IL6R: variants seen among roughly 807,000 people sequenced by gnomAD.
IL6R encodes interleukin-6 receptor subunit alpha.
In IL6R, 38 loss-of-function variants were observed where a neutral mutation model predicts 48.3. The observed-to-expected ratio is 0.79, with a 90% CI of 0.61 to 1.03. IL6R has a LOEUF of 1.03. Ranked by LOEUF, IL6R falls within the 50% of genes least tolerant of loss-of-function variation. The probability of loss-of-function intolerance (pLI) is 0.00; values close to 1 mark genes in which losing one functional copy is unlikely to be tolerated. For synonymous variants in IL6R, 264 were observed against 256.2 expected (o/e 1.03, Z -0.29); for missense variants, 534 against 618.3 (o/e 0.86, Z 1.45).
chr1:154,455,057 G>A (rs1690796323), intron 9 of IL6R, among the ~76,000 whole-genome samples: 1 of 152,148 alleles, frequency 6.6e-6, no homozygotes, highest in Non-Finnish European at 1.5e-5. Context: ...GGGACTGCAG[G>A]TGCACACCAC....
chr1:154,448,628 G>C (rs1253875752), intron 7 of IL6R, among the ~76,000 whole-genome samples: 2 of 152,116 alleles, frequency 1.3e-5, no homozygotes, highest in African/African-American at 4.8e-5. Context: ...GCTAAGCTGG[G>C]AGTCATAGCC....
chr1:154,447,314 C>T (rs1690281190), intron 6 of IL6R, among the ~76,000 whole-genome samples: 2 of 150,268 alleles, frequency 1.3e-5, no homozygotes, highest in African/African-American at 4.9e-5. Flanking sequence ...TGGTGGGCGC[C>T]TATAATCCCA....
Position 154,454,645 on chromosome 1 carries a change from C to T in IL6R, c.1160+64C>T, listed in dbSNP as rs1015388948. On this transcript the variant is annotated intron_variant, in intron 9 of 9. Coordinates refer to ENST00000368485, the MANE Select transcript of IL6R (RefSeq NM_000565.4). ...ATATTTCTTATCTAGCTTTCCTTTG[C>T]CCATTCTGAAATTTATGGTGCATTT... 9 of 1,131,754 alleles carry T rather than the reference C, an allele frequency of 8.0e-6. No homozygotes were observed. In the African/African-American group the frequency reaches 1.2e-4, roughly 15 times the overall value. The allele number at this position is 1,131,754 out of a possible 1,614,324, so 70.1% of individuals were successfully genotyped here.
At chr1:154,457,124 A>C (rs997562026) in intron 9 of IL6R, among the ~76,000 whole-genome samples, 7 of 151,994 alleles carry the variant, frequency 4.6e-5, no homozygotes, top group Non-Finnish European at 7.4e-5. Context: ...GGAGTTCAAG[A>C]CCAGCCTGAC....
chr1:154,440,778 C>T (rs1689889745), intron 6 of IL6R, among the ~76,000 whole-genome samples: 1 of 151,942 alleles, frequency 6.6e-6, no homozygotes. Context: ...GCCTCAGCCT[C>T]CCGAGTAGTT....
chr1:154,416,332 A>G (rs1688350219), intron 1 of IL6R, among the ~76,000 whole-genome samples: 1 of 143,382 alleles, frequency 7.0e-6, no homozygotes, highest in African/African-American at 2.6e-5. Flanking sequence ...TTTTGTAGAG[A>G]TGGAGTTTTG....
chr1:154,465,641 A>G lies in IL6R; in HGVS notation c.*261A>G, dbSNP rs1398577306. 1.8e-5 allele frequency: 9 copies of G among 501,290 alleles called. No homozygotes were observed. The East Asian group carries it at 3.2e-4, about 18-fold the overall frequency. The allele number at this position is 501,290 out of a possible 1,614,324, so 31.1% of individuals were successfully genotyped here. A position where few individuals can be genotyped will look rare whatever the true frequency, so the allele number is the denominator to read the frequency against. On this transcript the variant is annotated 3_prime_UTR_variant, in exon 10 of 10. Coordinates refer to ENST00000368485, the MANE Select transcript of IL6R (RefSeq NM_000565.4). Reference sequence around the variant, plus strand: ...AACTTGGGCCACTGTGAAGAGAACCATATCAAGACTCTTTGGACACTCACA... The same window carrying G: ...AACTTGGGCCACTGTGAAGAGAACCGTATCAAGACTCTTTGGACACTCACA...
chr1:154,451,284 G>C (rs571005297), intron 8 of IL6R, among the ~76,000 whole-genome samples: 2 of 152,130 alleles, frequency 1.3e-5, no homozygotes, highest in Non-Finnish European at 2.9e-5. Flanking sequence ...TTGGGAGGCC[G>C]AGGTAGGAGA....
chr1:154,447,061 A>C (rs2149259408), intron 6 of IL6R, among the ~76,000 whole-genome samples: 1 of 152,276 alleles, frequency 6.6e-6, no homozygotes, highest in Middle Eastern at 3.4e-3. Context: ...GGATCACTGA[A>C]GCCCAGAAGT....
At chr1:154,407,925 G>GTA (rs919339132) in intron 1 of IL6R, among the ~76,000 whole-genome samples, 1 of 152,156 alleles carries the variant, frequency 6.6e-6, no homozygotes, top group Non-Finnish European at 1.5e-5. Flanking sequence ...AAAGAAGTAT[G>GTA]TATACCTTTA....
chr1:154,434,091 G>A (rs1178031199), intron 3 of IL6R, among the ~76,000 whole-genome samples: 1 of 151,956 alleles, frequency 6.6e-6, no homozygotes. Flanking sequence ...CCAGCACTTT[G>A]GGAGGCTGAG....
chr1:154,437,419 T>A, intron 6 of IL6R: 1 of 357,230 alleles, frequency 2.8e-6, no homozygotes, highest in Non-Finnish European at 5.8e-6. Flanking sequence ...TAACTTAAAT[T>A]TTTTTTTTTT....
chr1:154,427,823 A>G lies in IL6R; in HGVS notation c.86-1373A>G, dbSNP rs369647771. Among the ~76,000 whole-genome samples, 97 of 152,266 alleles carry G rather than the reference A, an allele frequency of 6.4e-4. 1 individual carries two copies. The highest frequency in any genetic ancestry group is 6.8e-3 in the Middle Eastern group (2 of 294). On this transcript the variant is annotated intron_variant, in intron 1 of 9. Transcript: ENST00000368485. ...CACCTTGGATGGGGTGAAAGGAAGG[A>G]CAGCCTGCCAAGTATGAGATAAAAA...
At chr1:154,423,834 G>A (rs940142954) in intron 1 of IL6R, among the ~76,000 whole-genome samples, 1 of 152,106 alleles carries the variant, frequency 6.6e-6, no homozygotes, top group African/African-American at 2.4e-5. Context: ...CTGCAGCTCT[G>A]CTTTTGTGGA....
Position 154,454,534 on chromosome 1 carries a change from AG to A in IL6R, c.1116del (p.Ser373AlafsTer14). Reference protein sequence around the residue: ...VPLPTFLVAGGSLAFGTLLCI... With the variant: ...VPLPTFLVAGXSLAFGTLLCI... Reference sequence around the variant, plus strand: ...CACTGCCCACATTCCTGGTTGCTGGAGGGAGCCTGGCCTTCGGAACGCTCCT... The same window carrying A: ...CACTGCCCACATTCCTGGTTGCTGGAGGAGCCTGGCCTTCGGAACGCTCCT... On this transcript the variant is annotated frameshift_variant, in exon 9 of 10. Coordinates refer to ENST00000368485, the MANE Select transcript of IL6R (RefSeq NM_000565.4). LOFTEE classifies it low-confidence loss of function (END_TRUNC). 6.2e-7 allele frequency: 1 copy of A among 1,613,738 alleles called. No homozygotes were observed. Among genetic ancestry groups the A allele is most frequent in the Non-Finnish European group, 8.5e-7 (1 of 1,179,852 alleles).
intron 6 of IL6R, among the ~76,000 whole-genome samples, chr1:154,442,604 G>A (rs973556316): frequency 2.0e-5 from 3 of 152,196 alleles, no homozygotes; most frequent in Non-Finnish European, 2.9e-5. Context: ...CTGTAGCCCA[G>A]GATAGCCTTT....
At position 154,450,067 on chromosome 1, in the gene IL6R, G is replaced by A. The variant is rs765613684; in HGVS notation, c.1066+87G>A. Reference sequence around the variant, plus strand: ...AAGTCCTTTCTTATTTGGACATGTCGTCAGAGGATCAATCACAGATCAATC... The same window carrying A: ...AAGTCCTTTCTTATTTGGACATGTCATCAGAGGATCAATCACAGATCAATC... On this transcript the variant is annotated intron_variant, in intron 8 of 9. Coordinates refer to ENST00000368485, the MANE Select transcript of IL6R (RefSeq NM_000565.4). 26 of 825,890 alleles carry A rather than the reference G, an allele frequency of 3.1e-5. No individual in the cohort carries two copies. In the Admixed American group the frequency reaches 3.5e-4, roughly 11 times the overall value. 51.2% of individuals were successfully genotyped at this position (825,890 alleles called of 1,614,324 possible).
rs1050784157 is a variant in IL6R at position 154,469,058 on chromosome 1, C to T, written c.*3678C>T. 6.6e-6 allele frequency: 1 copy of T among 152,250 alleles called. No individual in the cohort carries two copies. Among genetic ancestry groups the T allele is most frequent in the African/African-American group, 2.4e-5 (1 of 41,474 alleles). The allele number at this position is 152,250 out of a possible 1,614,324, so 9.4% of individuals were successfully genotyped here. On this transcript the variant is annotated 3_prime_UTR_variant, in exon 10 of 10. Transcript: ENST00000368485. ...TGAAGGCCTCCTGTCCTCCGTGCGG[C>T]TGGGCACCAGCACCAGGGAGTTTCT...
At chr1:154,448,987 G>A (rs1341380147) in intron 7 of IL6R, among the ~76,000 whole-genome samples, 3 of 141,018 alleles carry the variant, frequency 2.1e-5, no homozygotes, top group Admixed American at 8.0e-5. Flanking sequence ...TCCGTTTCCC[G>A]GGTTCACGCC....
Sources: gnomAD v4.1 joint callset for allele counts (sites outside exome capture counted in the v4.1 genomes callset) on GRCh38, gnomAD v4.1.1 for gene constraint, MANE v1.5 for transcripts, NCBI Gene and HGNC (gene_info 2026-07-23, HGNC 2026-07-21) for gene names.